The following NCKAP5 variants were observed in gnomAD, a reference collection of about 807,000 sequenced individuals.
NCKAP5 encodes NCK associated protein 5.
In NCKAP5, 92 loss-of-function variants were observed where a neutral mutation model predicts 167.0. That is an observed-to-expected ratio of 0.55 (90% CI 0.47 to 0.66). The LOEUF is 0.66. Among genes scored for constraint, NCKAP5 ranks in the 30% least tolerant of loss-of-function variants. The pLI is 0.00. For synonymous variants in NCKAP5, 891 were observed against 877.4 expected (o/e 1.02, Z -0.27); for missense variants, 2,378 against 2,315.0 (o/e 1.03, Z -0.56).
chr2:133,271,681 A>C (rs1401928167), intron 4 of NCKAP5, among the ~76,000 whole-genome samples: 1 of 152,220 alleles, frequency 6.6e-6, no homozygotes, highest in African/African-American at 2.4e-5. Flanking sequence ...TGACAAATGC[A>C]ACTAATGGGA....
At chr2:132,676,833 T>G (rs1376670408) in intron 19 of NCKAP5, among the ~76,000 whole-genome samples, 1 of 152,164 alleles carries the variant, frequency 6.6e-6, no homozygotes, top group Non-Finnish European at 1.5e-5. Context: ...TAGGTGCCAT[T>G]AGTATCTCCA....
the NCKAP5 span, among the ~76,000 whole-genome samples, chr2:133,667,667 C>T: frequency 6.6e-6 from 1 of 152,092 alleles, no homozygotes; most frequent in Admixed American, 6.5e-5. Flanking sequence ...TGATATATGG[C>T]ATATTGACAT....
rs147832538 is a variant in NCKAP5 at position 132,860,017 on chromosome 2, CA to C, written c.807+474del. Reference sequence around the variant, plus strand: ...ACCTGTAAAAATACTGAGATAGAAACAGGAGACGTTCTGTTATAAGAAGGAA... The same window carrying C: ...ACCTGTAAAAATACTGAGATAGAAACGGAGACGTTCTGTTATAAGAAGGAA... On this transcript the variant is annotated intron_variant, in intron 11 of 19. Transcript: ENST00000409261. 7.8e-3 allele frequency among the ~76,000 whole-genome samples: 1,187 copies of C among 152,190 alleles called. 16 individuals carry two copies. Among genetic ancestry groups the C allele is most frequent in the African/African-American group, 0.027 (1,134 of 41,534 alleles).
chr2:133,134,970 G>T (rs1238819950), intron 5 of NCKAP5, among the ~76,000 whole-genome samples: 2 of 152,042 alleles, frequency 1.3e-5, no homozygotes, highest in African/African-American at 2.4e-5. Context: ...TACTTACTTG[G>T]CCCACAAATG....
chr2:133,308,278 C>T (rs886313454), intron 3 of NCKAP5, among the ~76,000 whole-genome samples: 6 of 151,300 alleles, frequency 4.0e-5, no homozygotes, highest in Admixed American at 2.0e-4. Context: ...TTAGTAGAGA[C>T]GGGGTTTCAC....
At chr2:133,539,691 A>T (rs1686064202) in intron 2 of NCKAP5, among the ~76,000 whole-genome samples, 1 of 152,214 alleles carries the variant, frequency 6.6e-6, no homozygotes. Flanking sequence ...TCAAAGGGAT[A>T]ATTAATGAAT....
At chr2:133,059,332 A>G (rs1215654672) in intron 6 of NCKAP5, among the ~76,000 whole-genome samples, 2 of 152,118 alleles carry the variant, frequency 1.3e-5, no homozygotes, top group Non-Finnish European at 2.9e-5. Context: ...GATATGCTAA[A>G]GGCCCAGATG....
At chr2:133,045,871 G>A (rs1221760301) in intron 6 of NCKAP5, among the ~76,000 whole-genome samples, 6 of 152,166 alleles carry the variant, frequency 3.9e-5, no homozygotes, top group Non-Finnish European at 8.8e-5. Context: ...GAATGACACA[G>A]CCGTTGTGAT....
chr2:133,372,156 T>C (rs1208294702), intron 3 of NCKAP5, among the ~76,000 whole-genome samples: 1 of 152,166 alleles, frequency 6.6e-6, no homozygotes, highest in Non-Finnish European at 1.5e-5. Context: ...ATGAGAGTCA[T>C]ACATGGAGAG....
chr2:133,518,343 G>GCTTT (rs1684184045), intron 2 of NCKAP5, among the ~76,000 whole-genome samples: 1 of 66,224 alleles, frequency 1.5e-5, no homozygotes, highest in South Asian at 6.4e-4. Flanking sequence ...TACAGTAAAG[G>GCTTT]ATTTTTTTTT....
intron 5 of NCKAP5, among the ~76,000 whole-genome samples, chr2:133,130,316 T>C (rs1476443388): frequency 1.3e-5 from 2 of 152,220 alleles, no homozygotes; most frequent in African/African-American, 2.4e-5. Flanking sequence ...TGCAAGGTCA[T>C]ATAAACCAGA....
chr2:133,522,458 T>G (rs925514654), intron 2 of NCKAP5, among the ~76,000 whole-genome samples: 2 of 152,224 alleles, frequency 1.3e-5, no homozygotes, highest in African/African-American at 4.8e-5. Flanking sequence ...CCTGGATTTG[T>G]TATTGTCAGT....
At chr2:132,705,064 G>C (rs1688226310) in intron 19 of NCKAP5, among the ~76,000 whole-genome samples, 1 of 152,128 alleles carries the variant, frequency 6.6e-6, no homozygotes, top group South Asian at 2.1e-4. Flanking sequence ...GAAATCAGAA[G>C]AGAATTCTGA....
intron 6 of NCKAP5, among the ~76,000 whole-genome samples, chr2:133,078,692 G>A (rs1339123802): frequency 6.6e-6 from 1 of 152,032 alleles, no homozygotes; most frequent in Admixed American, 6.6e-5. Flanking sequence ...TTAGATCACT[G>A]GCTGCCTCTT....
intron 2 of NCKAP5, among the ~76,000 whole-genome samples, chr2:133,550,291 C>CA (rs1558776815): frequency 6.8e-6 from 1 of 146,912 alleles, no homozygotes; most frequent in African/African-American, 2.5e-5. Context: ...AGAGACACAA[C>CA]AAAAAAAGAG....
chr2:133,222,532 A>G (rs1468519260), intron 4 of NCKAP5, among the ~76,000 whole-genome samples: 3 of 152,226 alleles, frequency 2.0e-5, no homozygotes, highest in Non-Finnish European at 2.9e-5. Flanking sequence ...TCATCTTAGT[A>G]TTCTTATAAA....
rs530764588 is a variant in NCKAP5 at position 133,470,612 on chromosome 2, C to A, written c.69+46846G>T. Among the ~76,000 whole-genome samples, 4 of 152,344 alleles carry A rather than the reference C, an allele frequency of 2.6e-5. No individual in the cohort carries two copies. In the South Asian group the frequency reaches 6.2e-4, roughly 24 times the overall value. On this transcript the variant is annotated intron_variant, in intron 3 of 19. Transcript: ENST00000409261. ...ATGGCGGGTGCCCCTCCCCCAGCCT[C>A]GCTGCCGCCTTGCAGTTTGATCTCA...
chr2:133,553,288 T>C (rs1233466359), intron 2 of NCKAP5, among the ~76,000 whole-genome samples: 1 of 152,200 alleles, frequency 6.6e-6, no homozygotes, highest in Non-Finnish European at 1.5e-5. Context: ...CCAACTGGTA[T>C]GAATATGGCA....
chr2:132,790,960 C>A (rs1483827294), intron 12 of NCKAP5, among the ~76,000 whole-genome samples: 1 of 152,112 alleles, frequency 6.6e-6, no homozygotes, highest in Non-Finnish European at 1.5e-5. Context: ...TCGAATGCTA[C>A]AAAAGGACGA....
Sources: gnomAD v4.1 joint callset for allele counts (sites outside exome capture counted in the v4.1 genomes callset) on GRCh38, gnomAD v4.1.1 for gene constraint, MANE v1.5 for transcripts, NCBI Gene and HGNC (gene_info 2026-07-23, HGNC 2026-07-21) for gene names.